Variants in BTNL8 observed in about 807,000 individuals in gnomAD.
BTNL8 encodes butyrophilin-like protein 8.
Under a neutral mutation model 36.1 loss-of-function variants are expected in BTNL8, and 22 were observed. The ratio of observed to expected loss-of-function variants is 0.61; its 90% CI spans 0.44 to 0.87. The LOEUF (loss-of-function observed/expected upper bound fraction) is 0.87. Among genes scored for constraint, BTNL8 ranks in the 40% least tolerant of loss-of-function variants. The pLI is 0.00. For synonymous variants in BTNL8, 203 were observed against 235.6 expected, an observed-to-expected ratio of 0.86 and a Z score of 1.27; for missense variants, 526 against 616.9, an observed-to-expected ratio of 0.85 and a Z score of 1.56.
intron 3 of BTNL8, among the ~76,000 whole-genome samples, chr5:180,938,045 C>A (rs1359711639): frequency 1.3e-5 from 2 of 151,556 alleles, no homozygotes; most frequent in Non-Finnish European, 2.9e-5. Context: ...AAAACATTGC[C>A]ATTTGATGGA....
intron 3 of BTNL8, among the ~76,000 whole-genome samples, chr5:180,941,912 C>CTTTTTTTTTTTTTTTTTTTTTTTT (rs1554145496): frequency 3.3e-4 from 48 of 145,102 alleles, no homozygotes; most frequent in Admixed American, 5.5e-4. Context: ...TTTTACTACT[C>CTTTTTTTTTTTTTTTTTTTTTTTT]TTATTCAACA....
chr5:180,946,102 A>C (rs921766461), intron 3 of BTNL8, among the ~76,000 whole-genome samples: 1 of 152,056 alleles, frequency 6.6e-6, no homozygotes, highest in Admixed American at 6.6e-5. Context: ...ATCACCTTAC[A>C]CCTCTTTGAA....
intron 3 of BTNL8, among the ~76,000 whole-genome samples, chr5:180,941,164 A>C (rs1222131970): frequency 7.3e-6 from 1 of 136,574 alleles, no homozygotes; most frequent in African/African-American, 2.6e-5. Flanking sequence ...AGAGAAAGAA[A>C]GAACTAGTAT....
intron 1 of BTNL8, chr5:180,902,356 A>G: frequency 6.4e-7 from 1 of 1,550,904 alleles, no homozygotes; most frequent in Non-Finnish European, 8.7e-7. Flanking sequence ...GTGCTCCTCA[A>G]GATCGAATGA....
intron 4 of BTNL8, 57 bp from the exon 5 acceptor site, chr5:180,948,298 G>C: frequency 2.0e-6 from 3 of 1,464,414 alleles, no homozygotes; most frequent in Non-Finnish European, 2.8e-6. Context: ...AGCCAGCGTC[G>C]TGTTTGTGCC....
chr5:180,947,019 T>C (rs7710895), intron 3 of BTNL8, among the ~76,000 whole-genome samples: 36,612 of 152,166 alleles, frequency 0.24, 5,041 homozygotes, highest in Admixed American at 0.3. Flanking sequence ...CTCAGCAGAA[T>C]TTTCTTAGAA....
chr5:180,915,960 C>T (rs1757607639), intron 3 of BTNL8, among the ~76,000 whole-genome samples: 1 of 152,218 alleles, frequency 6.6e-6, no homozygotes, highest in Non-Finnish European at 1.5e-5. Context: ...CCACTTTATG[C>T]TGCTGTACCA....
At chr5:180,942,088 T>C (rs1172664875) in intron 3 of BTNL8, among the ~76,000 whole-genome samples, 1 of 151,960 alleles carries the variant, frequency 6.6e-6, no homozygotes, top group East Asian at 1.9e-4. Flanking sequence ...ATAAACAAAT[T>C]CAGTAATGTT....
intron 3 of BTNL8, among the ~76,000 whole-genome samples, chr5:180,923,049 T>C (rs961855733): frequency 6.6e-6 from 1 of 152,202 alleles, no homozygotes; most frequent in Non-Finnish European, 1.5e-5. Context: ...TAGATTTTCC[T>C]ACATCCCTTT....
In BTNL8 at chr5:180,932,435, C is replaced by A. The variant is rs968548508; in HGVS notation, c.674-15077C>A. On this transcript the variant is annotated intron_variant, in intron 3 of 7. Transcript: ENST00000340184. Reference sequence around the variant, plus strand: ...AATCTTGGCTCACTGCAAGCTCCCCCTCCCGGGTTGACGCCATTCTCCTGC... The same window carrying A: ...AATCTTGGCTCACTGCAAGCTCCCCATCCCGGGTTGACGCCATTCTCCTGC... 6.6e-5 allele frequency among the ~76,000 whole-genome samples: 10 copies of A among 152,332 alleles called. No homozygotes were observed. In the South Asian group the frequency reaches 1.9e-3, roughly 28 times the overall value.
intron 3 of BTNL8, 106 bp downstream of exon 3, chr5:180,911,720 C>G: frequency 8.7e-7 from 1 of 1,146,752 alleles, no homozygotes; most frequent in Non-Finnish European, 1.2e-6. Context: ...TTTCTCAGTT[C>G]TAATGATTTA....
At chr5:180,926,837 TA>T (rs1382367413) in intron 3 of BTNL8, among the ~76,000 whole-genome samples, 4 of 152,156 alleles carry the variant, frequency 2.6e-5, no homozygotes, top group Admixed American at 1.3e-4. Flanking sequence ...GGCTTAGAGA[TA>T]AAACTCCCAT....
chr5:180,936,891 C>T (rs1407793461), intron 3 of BTNL8, among the ~76,000 whole-genome samples: 1 of 152,172 alleles, frequency 6.6e-6, no homozygotes, highest in Non-Finnish European at 1.5e-5. Context: ...CACATGTTCC[C>T]CAGGAATTGG....
At chr5:180,901,080 C>A (rs1387631273) in intron 1 of BTNL8, among the ~76,000 whole-genome samples, 2 of 152,214 alleles carry the variant, frequency 1.3e-5, no homozygotes, top group African/African-American at 4.8e-5. Flanking sequence ...AGCAGGGCCT[C>A]AACATCTGCT....
intron 2 of BTNL8, among the ~76,000 whole-genome samples, chr5:180,910,092 C>T (rs1251029082): frequency 6.6e-6 from 1 of 152,082 alleles, no homozygotes; most frequent in African/African-American, 2.4e-5. Flanking sequence ...CTAAGCTGTC[C>T]TGGTCTTTAC....
intron 3 of BTNL8, among the ~76,000 whole-genome samples, chr5:180,915,694 A>G (rs935325891): frequency 6.6e-6 from 1 of 152,226 alleles, no homozygotes; most frequent in Non-Finnish European, 1.5e-5. Context: ...TTCATTTACC[A>G]TGATTAAGTG....
At chr5:180,910,988 G>C (rs1389658926) in intron 2 of BTNL8, among the ~76,000 whole-genome samples, 1 of 152,148 alleles carries the variant, frequency 6.6e-6, no homozygotes, top group Non-Finnish European at 1.5e-5. Flanking sequence ...CTGATTAGAG[G>C]CTTCACTATT....
intron 1 of BTNL8, among the ~76,000 whole-genome samples, chr5:180,906,882 C>T (rs372499927): frequency 0.031 from 2,892 of 92,134 alleles, 568 homozygotes; most frequent in African/African-American, 0.12. Flanking sequence ...GGGTTTCTGC[C>T]GAGAGATCCG....
chr5:180,937,283 C>T (rs545603792), intron 3 of BTNL8, among the ~76,000 whole-genome samples: 4 of 152,298 alleles, frequency 2.6e-5, no homozygotes, highest in South Asian at 4.1e-4. Context: ...GTGTGCACTG[C>T]CCTTGCCTAA....
Sources: allele counts gnomAD v4.1 joint callset (sites outside exome capture counted in the v4.1 genomes callset), GRCh38; gene constraint gnomAD v4.1.1; transcripts MANE v1.5; gene names NCBI Gene and HGNC (gene_info 2026-07-23, HGNC 2026-07-21).